GALK2: variants seen among roughly 807,000 people sequenced by gnomAD.
GALK2 encodes the protein galactokinase 2.
In GALK2, 36 loss-of-function variants were observed where a neutral mutation model predicts 52.4. The observed-to-expected ratio is 0.69, with a 90% CI of 0.53 to 0.91. The LOEUF (loss-of-function observed/expected upper bound fraction) is 0.91. Ranked by LOEUF, GALK2 falls within the 40% of genes least tolerant of loss-of-function variation. The pLI, the probability that GALK2 is intolerant of heterozygous loss-of-function variation, is 0.00. For synonymous variants in GALK2, 176 were observed against 199.1 expected (o/e 0.88, Z 0.98); for missense variants, 579 against 559.1 (o/e 1.04, Z -0.36).
At chr15:49,358,435 C>T in intron 3 of GALK2, among the ~76,000 whole-genome samples, 1 of 136,008 alleles carries the variant, frequency 7.4e-6, no homozygotes, top group Admixed American at 7.3e-5. Flanking sequence ...CATTCTTATA[C>T]ACCAACAACA....
downstream of GALK2, among the ~76,000 whole-genome samples, chr15:49,335,753 T>G (rs2039594856): frequency 6.6e-6 from 1 of 152,262 alleles, no homozygotes; most frequent in African/African-American, 2.4e-5. Context: ...ATAAATCCTG[T>G]AATTACCTTT....
intron 8 of GALK2, among the ~76,000 whole-genome samples, chr15:49,315,127 AT>A (rs1406481747): frequency 1.3e-5 from 2 of 150,862 alleles, no homozygotes; most frequent in Non-Finnish European, 2.9e-5. Context: ...AGATTCAGTA[AT>A]TATTTAAGAT....
At chr15:49,184,062 A>G (rs979792928) in intron 1 of GALK2, among the ~76,000 whole-genome samples, 3 of 151,974 alleles carry the variant, frequency 2.0e-5, no homozygotes, top group African/African-American at 7.3e-5. Flanking sequence ...CTGAAAGTGG[A>G]GTGTTGAAGT....
At chr15:49,260,417 G>A (rs1369017622) in intron 5 of GALK2, among the ~76,000 whole-genome samples, 1 of 148,756 alleles carries the variant, frequency 6.7e-6, no homozygotes, top group Non-Finnish European at 1.5e-5. Flanking sequence ...GGGGTTGTTT[G>A]TTTTTTTCTT....
chr15:49,263,694 G>A (rs1438993275), intron 5 of GALK2, among the ~76,000 whole-genome samples: 21 of 129,748 alleles, frequency 1.6e-4, no homozygotes, highest in Non-Finnish European at 2.5e-4. Flanking sequence ...GCATGATTTT[G>A]CAGCGGCTGG....
At chr15:49,365,781 A>C in intron 3 of GALK2, 1 of 853,756 alleles carries the variant, frequency 1.2e-6, no homozygotes, top group Non-Finnish European at 2.0e-6. Context: ...CAGCCCAAAC[A>C]ATAGCTATTG....
At chr15:49,345,903 TTGAG>T (rs1338560936) in intron 3 of GALK2, among the ~76,000 whole-genome samples, 2 of 152,176 alleles carry the variant, frequency 1.3e-5, no homozygotes, top group Non-Finnish European at 2.9e-5. Flanking sequence ...CTTTGAGAGA[TTGAG>T]TGTGTGTGAG....
chr15:49,207,980 T>C (rs1277887613), intron 2 of GALK2, among the ~76,000 whole-genome samples: 1 of 151,934 alleles, frequency 6.6e-6, no homozygotes, highest in African/African-American at 2.4e-5. Context: ...ACCATGTTGG[T>C]CAGGCTGGTC....
chr15:49,227,045 A>G (rs2090174861), intron 3 of GALK2, among the ~76,000 whole-genome samples: 1 of 152,224 alleles, frequency 6.6e-6, no homozygotes, highest in Admixed American at 6.5e-5. Context: ...GTGTCCTAAC[A>G]TATGGTCTAT....
chr15:49,180,022 T>C (rs2085840386), intron 1 of GALK2, among the ~76,000 whole-genome samples: 1 of 152,184 alleles, frequency 6.6e-6, no homozygotes, highest in Admixed American at 6.5e-5. Context: ...TGCATTTGAA[T>C]TTCTAAGGTA....
At chr15:49,229,922 C>T (rs1438364342) in intron 3 of GALK2, among the ~76,000 whole-genome samples, 2 of 152,072 alleles carry the variant, frequency 1.3e-5, no homozygotes, top group Non-Finnish European at 2.9e-5. Flanking sequence ...GCCAGTGGCT[C>T]ATGGTTTGGC....
intron 1 of GALK2, among the ~76,000 whole-genome samples, chr15:49,170,790 T>C (rs1029886694): frequency 6.6e-6 from 1 of 152,080 alleles, no homozygotes; most frequent in African/African-American, 2.4e-5. Flanking sequence ...GTCTGCATCC[T>C]CTTTAAAACA....
At chr15:49,284,182 A>C (rs1013116734) in intron 7 of GALK2, among the ~76,000 whole-genome samples, 23 of 152,214 alleles carry the variant, frequency 1.5e-4, no homozygotes, top group African/African-American at 5.3e-4. Context: ...CATGTCTACT[A>C]GGGAAACACA....
At position 49,282,100 on chromosome 15, in the gene GALK2, A is replaced by T. The variant is rs772008953; in HGVS notation, c.603+15A>T. ...AAGAAGGAACTGTAGGTAGCATTCC[A>T]AGTAGGAACCATTCAGAAATTCCTA... On this transcript the variant is annotated intron_variant, in intron 6 of 9. Coordinates refer to ENST00000560031, the MANE Select transcript of GALK2 (RefSeq NM_002044.4). The T allele has an allele frequency of 6.3e-7, 1 of 1,575,234 alleles. No individual in the cohort carries two copies. The highest frequency in any genetic ancestry group is 1.1e-5 in the South Asian group (1 of 88,714).
chr15:49,172,070 G>T (rs1345781328), intron 1 of GALK2, among the ~76,000 whole-genome samples: 2 of 152,146 alleles, frequency 1.3e-5, no homozygotes, highest in Non-Finnish European at 2.9e-5. Context: ...ACCGTGCCAC[G>T]TCTATAGTTT....
intron 8 of GALK2, chr15:49,319,144 G>A: frequency 2.8e-6 from 1 of 358,462 alleles, no homozygotes; most frequent in South Asian, 2.1e-5. Context: ...AGTAGAGATG[G>A]GTTTTCACCA....
intron 5 of GALK2, among the ~76,000 whole-genome samples, chr15:49,261,714 T>C (rs1022239238): frequency 3.9e-4 from 59 of 152,152 alleles, no homozygotes; most frequent in African/African-American, 1.4e-3. Flanking sequence ...TTGTCATAGA[T>C]AGCTCTTATT....
chr15:49,366,526 T>A, intron 3 of GALK2: 6 of 1,497,674 alleles, frequency 4.0e-6, no homozygotes, highest in Non-Finnish European at 5.6e-6. Flanking sequence ...CTAGGGTACT[T>A]GGAAGAGCTG....
intron 3 of GALK2, among the ~76,000 whole-genome samples, chr15:49,357,252 A>G (rs1345774959): frequency 8.6e-5 from 13 of 150,704 alleles, no homozygotes; most frequent in Non-Finnish European, 1.9e-4. Flanking sequence ...AACTGAAGGA[A>G]ATAGAGACAC....
Sources: gnomAD v4.1 joint callset for allele counts (sites outside exome capture counted in the v4.1 genomes callset) on GRCh38, gnomAD v4.1.1 for gene constraint, MANE v1.5 for transcripts, NCBI Gene and HGNC (gene_info 2026-07-23, HGNC 2026-07-21) for gene names.